Variants in AFF1 observed in about 807,000 individuals in gnomAD.
AFF1 encodes the protein ALF transcription elongation factor 1.
Under a neutral mutation model 121.7 loss-of-function variants are expected in AFF1, and 48 were observed. The ratio of observed to expected loss-of-function variants is 0.39; its 90% CI spans 0.31 to 0.50. AFF1 has a LOEUF of 0.50. AFF1 is among the 20% of genes least tolerant of loss of function. AFF1 has a pLI of 0.76. For synonymous variants in AFF1, 613 were observed against 563.0 expected (o/e 1.09, Z -1.26); for missense variants, 1,523 against 1,511.7 (o/e 1.01, Z -0.12).
chr4:87,138,038 T>TC lies in AFF1; in HGVS notation c.*2337_*2338insC, dbSNP rs1560672166. 6.1e-5 allele frequency: 14 copies of TC among 230,794 alleles called. No individual in the cohort carries two copies. The highest frequency in any genetic ancestry group is 3.1e-4 in the African/African-American group (14 of 45,198). The allele number at this position is 230,794 out of a possible 1,614,324, so 14.3% of individuals were successfully genotyped here. On this transcript the variant is annotated 3_prime_UTR_variant, in exon 21 of 21. Coordinates refer to ENST00000395146, the MANE Select transcript of AFF1 (RefSeq NM_001166693.3). ...CCTTACTCTTTGTGGGTTTTTTTTT[T>TC]TTTCTCTGAACTTGATATAAAGATT... is the stretch of plus-strand genomic sequence containing the variant.
chr4:86,959,801 C>A (rs1310600990), intron 2 of AFF1, among the ~76,000 whole-genome samples: 1 of 152,122 alleles, frequency 6.6e-6, no homozygotes, highest in Non-Finnish European at 1.5e-5. Context: ...CTGAAAGAAC[C>A]AGGGAAGGTA....
Position 86,936,738 on chromosome 4 carries a change from G to A in AFF1, c.-37+1498G>A, listed in dbSNP as rs1027320319. Among the ~76,000 whole-genome samples the A allele has an allele frequency of 4.6e-5, 7 of 152,326 alleles. No individual in the cohort carries two copies. The East Asian group carries it at 9.6e-4, about 21-fold the overall frequency. On this transcript the variant is annotated intron_variant, in intron 1 of 20. Coordinates refer to ENST00000395146, the MANE Select transcript of AFF1 (RefSeq NM_001166693.3). ...ATTCACAGGAGAATGGAAAATTCTG[G>A]ATGGTTTGCTTGCTTTAATTTCAAG... is the stretch of plus-strand genomic sequence containing the variant.
chr4:86,996,779 A>G (rs10032244), intron 2 of AFF1, among the ~76,000 whole-genome samples: 96,389 of 152,132 alleles, frequency 0.63, 33,415 homozygotes, highest in South Asian at 0.8. Flanking sequence ...CTTAAACCCG[A>G]TGTGGCAGTA....
intron 2 of AFF1, 106 bp downstream of exon 2, chr4:86,948,677 C>T (rs376099108): frequency 1.2e-5 from 12 of 1,033,144 alleles, no homozygotes; most frequent in East Asian, 5.4e-5. Context: ...TAAGAACTCA[C>T]GGGTGCAAGA....
At chr4:87,087,419 G>A (rs1723848350) in intron 5 of AFF1, among the ~76,000 whole-genome samples, 1 of 152,218 alleles carries the variant, frequency 6.6e-6, no homozygotes, top group South Asian at 2.1e-4. Flanking sequence ...TCAAGTTGGT[G>A]TATTAGAGGA....
intron 10 of AFF1, among the ~76,000 whole-genome samples, chr4:87,106,729 G>C (rs527534303): frequency 6.6e-6 from 1 of 152,310 alleles, no homozygotes; most frequent in Non-Finnish European, 1.5e-5. Flanking sequence ...TAATATGCCA[G>C]GTACCTGCCT....
At chr4:87,063,228 C>CTTGTTTTTTTTTTT (rs1720962779) in intron 4 of AFF1, among the ~76,000 whole-genome samples, 1 of 44,402 alleles carries the variant, frequency 2.3e-5, no homozygotes, top group Non-Finnish European at 4.2e-5. Flanking sequence ...AGATTCACCT[C>CTTGTTTTTTTTTTT]TTTTTTTTTT....
At chr4:86,953,234 G>T (rs1268143163) in intron 2 of AFF1, among the ~76,000 whole-genome samples, 1 of 152,126 alleles carries the variant, frequency 6.6e-6, no homozygotes, top group East Asian at 1.9e-4. Flanking sequence ...TAAGTTTGGG[G>T]ATATCCTTTA....
At chr4:87,073,280 CAAAAAAAAAAAAAAAAAAAAAAAA>C (rs55821662) in intron 4 of AFF1, among the ~76,000 whole-genome samples, 1 of 83,672 alleles carries the variant, frequency 1.2e-5, no homozygotes, top group Non-Finnish European at 2.2e-5. Flanking sequence ...GCATTAAAGC[CAAAAAAAAAAAAAAAAAAAAAAAA>C]AAAAAAAAAA....
At chr4:86,990,636 G>A (rs781242952) in intron 2 of AFF1, among the ~76,000 whole-genome samples, 10 of 151,906 alleles carry the variant, frequency 6.6e-5, no homozygotes, top group Non-Finnish European at 1.2e-4. Flanking sequence ...TGGTGACTTG[G>A]GTAATATGAA....
intron 2 of AFF1, among the ~76,000 whole-genome samples, chr4:87,039,709 T>C (rs1283309789): frequency 6.6e-6 from 1 of 152,130 alleles, no homozygotes; most frequent in Non-Finnish European, 1.5e-5. Flanking sequence ...ACCTCAAAGA[T>C]GGTGGACAGT....
chr4:86,960,225 C>T (rs1047026158), intron 2 of AFF1, among the ~76,000 whole-genome samples: 7 of 152,070 alleles, frequency 4.6e-5, no homozygotes, highest in Admixed American at 2.6e-4. Context: ...AGGGAGCTGC[C>T]GCTGTTACCC....
At chr4:87,052,642 A>G (rs975458109) in intron 4 of AFF1, among the ~76,000 whole-genome samples, 2 of 151,386 alleles carry the variant, frequency 1.3e-5, no homozygotes, top group Admixed American at 6.6e-5. Context: ...TTTTCTTTTT[A>G]AAAAACTGTA....
chr4:86,961,724 C>T (rs1455623266), intron 2 of AFF1, among the ~76,000 whole-genome samples: 2 of 151,278 alleles, frequency 1.3e-5, no homozygotes, highest in African/African-American at 4.9e-5. Context: ...CCCCAGTTTG[C>T]GTTTCAGAGC....
rs1358449626 is a variant in AFF1 at position 87,022,578 on chromosome 4, ATATATCTATC to A, written c.39-23576_39-23567del. Among the ~76,000 whole-genome samples the A allele has an allele frequency of 4.6e-4, 40 of 87,216 alleles. 1 individual carries two copies. Among genetic ancestry groups the A allele is most frequent in the African/African-American group, 1.5e-3 (27 of 18,598 alleles). 57.2% of individuals were successfully genotyped at this position (87,216 alleles called of 152,430 possible). A position where few individuals can be genotyped will look rare whatever the true frequency, so the allele number is the denominator to read the frequency against. On this transcript the variant is annotated intron_variant, in intron 2 of 20. Transcript: ENST00000395146. ...TATATATATATATATATATATATATATATATCTATCTATATCTATCTGTGTGTATATATAT... is the reference window on the plus strand; with the variant it reads ...TATATATATATATATATATATATATATATATCTATCTGTGTGTATATATAT...
intron 2 of AFF1, among the ~76,000 whole-genome samples, chr4:86,971,216 G>A (rs946286386): frequency 1.3e-5 from 2 of 152,184 alleles, no homozygotes; most frequent in Non-Finnish European, 2.9e-5. Context: ...GCAGGGACCA[G>A]GTCCTGAGTT....
chr4:87,133,228 G>C (rs904859516), intron 19 of AFF1, among the ~76,000 whole-genome samples: 10 of 152,180 alleles, frequency 6.6e-5, no homozygotes, highest in African/African-American at 2.4e-4. Flanking sequence ...CATGTATGCT[G>C]TAAGTTATTA....
intron 4 of AFF1, among the ~76,000 whole-genome samples, chr4:87,061,351 T>C (rs1578169619): frequency 6.6e-6 from 1 of 152,324 alleles, no homozygotes; most frequent in African/African-American, 2.4e-5. Flanking sequence ...AAACTGAAGA[T>C]ATCCATAGTA....
intron 11 of AFF1, among the ~76,000 whole-genome samples, chr4:87,110,489 G>GTTTTGTTT (rs1726376673): frequency 8.0e-6 from 1 of 125,548 alleles, no homozygotes; most frequent in African/African-American, 3.6e-5. Flanking sequence ...TTGTTTTGTT[G>GTTTTGTTT]GTACCGATTA....
Sources: gnomAD v4.1 joint callset for allele counts (sites outside exome capture counted in the v4.1 genomes callset) on GRCh38, gnomAD v4.1.1 for gene constraint, MANE v1.5 for transcripts, NCBI Gene and HGNC (gene_info 2026-07-23, HGNC 2026-07-21) for gene names.